AKAP12: variants seen among roughly 807,000 people sequenced by gnomAD.
AKAP12 encodes the protein A-kinase anchor protein 12.
AKAP12 carries 32 observed loss-of-function variants against 79.9 expected under a neutral mutation model. The observed-to-expected ratio is 0.40, with a 90% CI of 0.30 to 0.54. The LOEUF (loss-of-function observed/expected upper bound fraction) is 0.54, where lower values mean the gene tolerates loss of function less well. Ranked by LOEUF, AKAP12 falls within the 20% of genes least tolerant of loss-of-function variation. The probability of loss-of-function intolerance (pLI) is 0.48; values close to 1 mark genes in which losing one functional copy is unlikely to be tolerated. For synonymous variants in AKAP12, 808 were observed against 857.0 expected, an observed-to-expected ratio of 0.94 and a Z score of 1.00; for missense variants, 2,074 against 2,177.0, an observed-to-expected ratio of 0.95 and a Z score of 0.94.
At chr6:151,280,036 TTG>T (rs1776369004) in intron 2 of AKAP12, among the ~76,000 whole-genome samples, 1 of 117,202 alleles carries the variant, frequency 8.5e-6, no homozygotes, top group Admixed American at 7.8e-5. Context: ...CTTTCGGTTG[TTG>T]TTTTTTTTTT....
chr6:151,262,471 G>C (rs966562518), intron 2 of AKAP12, among the ~76,000 whole-genome samples: 5 of 152,144 alleles, frequency 3.3e-5, no homozygotes, highest in African/African-American at 1.2e-4. Context: ...GCAGACTACA[G>C]AATCTTGATC....
intron 2 of AKAP12, among the ~76,000 whole-genome samples, chr6:151,248,248 C>A (rs574369983): frequency 1.3e-5 from 2 of 150,214 alleles, no homozygotes; most frequent in South Asian, 4.2e-4. Flanking sequence ...CAGGCAATCT[C>A]AGGGTCTGGG....
chr6:151,269,533 C>T (rs909974793), intron 2 of AKAP12, among the ~76,000 whole-genome samples: 1 of 152,110 alleles, frequency 6.6e-6, no homozygotes, highest in Non-Finnish European at 1.5e-5. Context: ...TGTTGCTCAA[C>T]TCAAGAGGCA....
At chr6:151,318,631 T>C (rs985720129) in intron 3 of AKAP12, among the ~76,000 whole-genome samples, 1 of 152,180 alleles carries the variant, frequency 6.6e-6, no homozygotes, top group African/African-American at 2.4e-5. Context: ...TTGAGCTCTT[T>C]CGGTCTAGAA....
At chr6:151,264,784 T>C (rs1442646048) in intron 2 of AKAP12, among the ~76,000 whole-genome samples, 7 of 152,178 alleles carry the variant, frequency 4.6e-5, no homozygotes, top group Admixed American at 2.0e-4. Flanking sequence ...TTAATTTAGC[T>C]TCAAACATCT....
At chr6:151,289,207 G>A (rs1446020439) in intron 2 of AKAP12, among the ~76,000 whole-genome samples, 3 of 152,108 alleles carry the variant, frequency 2.0e-5, no homozygotes, top group Non-Finnish European at 2.9e-5. Flanking sequence ...GCCCTTCTCC[G>A]ACAGAACCAA....
intron 3 of AKAP12, chr6:151,325,549 A>C: frequency 1.4e-5 from 17 of 1,233,306 alleles, no homozygotes; most frequent in Admixed American, 3.9e-5. Flanking sequence ...CGGGCGGGGA[A>C]GTTTGCGCTC....
chr6:151,289,536 T>C (rs1002237715), intron 2 of AKAP12, among the ~76,000 whole-genome samples: 1 of 152,232 alleles, frequency 6.6e-6, no homozygotes, highest in Non-Finnish European at 1.5e-5. Context: ...GCTTTGCCTC[T>C]CGTACATAGT....
intron 3 of AKAP12, chr6:151,325,811 G>A (rs1244511178): frequency 1.9e-6 from 3 of 1,613,784 alleles, no homozygotes; most frequent in Non-Finnish European, 2.5e-6. Flanking sequence ...CTGCCGGGGA[G>A]GGCAGGGACC....
chr6:151,268,955 T>G (rs931614153), intron 2 of AKAP12, among the ~76,000 whole-genome samples: 1 of 124,484 alleles, frequency 8.0e-6, no homozygotes, highest in Non-Finnish European at 1.7e-5. Context: ...GTTTTTTTTT[T>G]TTTTTTTTTT....
At chr6:151,244,417 G>C (rs952656997) in intron 2 of AKAP12, among the ~76,000 whole-genome samples, 4 of 152,112 alleles carry the variant, frequency 2.6e-5, no homozygotes, top group African/African-American at 9.7e-5. Flanking sequence ...CCAGCCACTC[G>C]GGAGGCTGGG....
intron 3 of AKAP12, among the ~76,000 whole-genome samples, chr6:151,328,377 G>A (rs1243443746): frequency 1.4e-5 from 2 of 147,756 alleles, no homozygotes; most frequent in Non-Finnish European, 3.0e-5. Flanking sequence ...GGCGGCTCAC[G>A]CCTGTGATTC....
chr6:151,349,318 AAAG>A lies in AKAP12; in HGVS notation c.929_931del (p.Lys310del). 1 of 1,613,968 alleles carries A rather than the reference AAAG, an allele frequency of 6.2e-7. No homozygotes were observed. Among genetic ancestry groups the A allele is most frequent in the Non-Finnish European group, 8.5e-7 (1 of 1,179,984 alleles). ...CTCAAGGTTGGGCCGGCTGGCGCAA[AAAG>A]ACCAGTTTCAGGAAGCCGAAGGAGG... On this transcript the variant is annotated inframe_deletion, in exon 4 of 5. Coordinates refer to ENST00000402676, the MANE Select transcript of AKAP12 (RefSeq NM_005100.4).
chr6:151,309,632 A>G (rs1205445641), intron 3 of AKAP12, among the ~76,000 whole-genome samples: 1 of 152,180 alleles, frequency 6.6e-6, no homozygotes, highest in East Asian at 1.9e-4. Context: ...CCGCATATAA[A>G]TATTGTCTAA....
rs767478096 is a variant in AKAP12, at chr6:151,305,759, A to C, written c.175A>C (p.Asn59His). Reference protein sequence around the residue: ...SDPATKLLQKNGQLSTINGVA... With the variant: ...SDPATKLLQKHGQLSTINGVA... ...GTCTTTTCCATAGCTCCTACAGAAG[A>C]ATGGTCAGCTGTCCACCATCAATGG... The change falls in exon 3 of 5, where the codon AAT becomes CAT. Residue 59 changes from asparagine to histidine, a missense_variant. Physicochemically the swap from Asn to His is moderately conservative, Grantham distance 68 (BLOSUM62 1). Coordinates refer to ENST00000402676, the MANE Select transcript of AKAP12 (RefSeq NM_005100.4). 1 of 1,611,322 alleles carries C rather than the reference A, an allele frequency of 6.2e-7. No individual in the cohort carries two copies. The highest frequency in any genetic ancestry group is 8.5e-7 in the Non-Finnish European group (1 of 1,179,030).
chr6:151,281,631 G>A (rs1776409422), intron 2 of AKAP12, among the ~76,000 whole-genome samples: 1 of 152,112 alleles, frequency 6.6e-6, no homozygotes, highest in African/African-American at 2.4e-5. Context: ...TGGAATTGGG[G>A]CATTCTATGT....
At chr6:151,294,218 C>T (rs1018723004) in intron 2 of AKAP12, among the ~76,000 whole-genome samples, 11 of 152,064 alleles carry the variant, frequency 7.2e-5, no homozygotes, top group South Asian at 2.1e-4. Flanking sequence ...ATGATCCACC[C>T]GCCTCGGCCT....
intron 2 of AKAP12, among the ~76,000 whole-genome samples, chr6:151,281,693 G>T (rs1252526185): frequency 6.6e-6 from 1 of 152,084 alleles, no homozygotes; most frequent in Non-Finnish European, 1.5e-5. Context: ...ACACACGTTT[G>T]TTTTATTTAT....
intron 2 of AKAP12, among the ~76,000 whole-genome samples, chr6:151,245,656 CAAAA>C (rs10700236): frequency 2.0e-5 from 2 of 99,132 alleles, no homozygotes; most frequent in Non-Finnish European, 1.9e-5. Context: ...GACTCCGTCT[CAAAA>C]AAAAAAAAAA....
Sources: allele counts gnomAD v4.1 joint callset (sites outside exome capture counted in the v4.1 genomes callset), GRCh38; gene constraint gnomAD v4.1.1; transcripts MANE v1.5; gene names NCBI Gene and HGNC (gene_info 2026-07-23, HGNC 2026-07-21).